APBB1IP: variants seen among roughly 807,000 people sequenced by gnomAD.
APBB1IP encodes amyloid beta precursor protein binding family B member 1 interacting protein.
APBB1IP carries 27 observed loss-of-function variants against 64.9 expected under a neutral mutation model. The observed-to-expected ratio is 0.42, with a 90% CI of 0.31 to 0.57. APBB1IP has a LOEUF of 0.57. APBB1IP is among the 20% of genes least tolerant of loss of function. APBB1IP has a pLI of 0.20. For missense variants in APBB1IP, 812 were observed against 845.5 expected (o/e 0.96, Z 0.49); for synonymous variants, 392 against 331.0 (o/e 1.18, Z -2.00).
At chr10:26,485,353 C>T (rs541390413) in intron 2 of APBB1IP, among the ~76,000 whole-genome samples, 1 of 152,286 alleles carries the variant, frequency 6.6e-6, no homozygotes, top group East Asian at 1.9e-4. Context: ...CCATGTAGAA[C>T]ATGTAGCCAG....
intron 2 of APBB1IP, among the ~76,000 whole-genome samples, chr10:26,465,556 C>T (rs1251724938): frequency 6.6e-6 from 1 of 151,980 alleles, no homozygotes; most frequent in Non-Finnish European, 1.5e-5. Context: ...AGATACAATG[C>T]TCAAATTCTC....
chr10:26,545,976 A>G (rs1255850629), intron 11 of APBB1IP, among the ~76,000 whole-genome samples: 1 of 152,076 alleles, frequency 6.6e-6, no homozygotes, highest in Non-Finnish European at 1.5e-5. Flanking sequence ...AGATTGCATG[A>G]TTTCATGGCC....
intron 2 of APBB1IP, among the ~76,000 whole-genome samples, chr10:26,455,513 A>AG (rs1389832568): frequency 1.6e-5 from 2 of 124,696 alleles, no homozygotes; most frequent in East Asian, 4.8e-4. Context: ...GGGTGACAGA[A>AG]CAAAAAAAAA....
At chr10:26,460,908 C>G (rs1035063901) in intron 2 of APBB1IP, among the ~76,000 whole-genome samples, 3 of 152,134 alleles carry the variant, frequency 2.0e-5, no homozygotes, top group Admixed American at 6.5e-5. Context: ...GACAAAACTG[C>G]CCCCAGAAGA....
chr10:26,501,167 A>C, intron 5 of APBB1IP, 56 bp downstream of exon 5: 1 of 1,602,238 alleles, frequency 6.2e-7, no homozygotes, highest in Non-Finnish European at 8.6e-7. Flanking sequence ...CCTATCACTG[A>C]TGTTCCTTGA....
intron 2 of APBB1IP, among the ~76,000 whole-genome samples, chr10:26,479,019 T>G: frequency 2.8e-5 from 1 of 35,356 alleles, no homozygotes; most frequent in African/African-American, 3.5e-4. Context: ...TTTTAAAAAT[T>G]GACATATATT....
At chr10:26,486,524 C>T (rs974517081) in intron 2 of APBB1IP, among the ~76,000 whole-genome samples, 4 of 152,024 alleles carry the variant, frequency 2.6e-5, no homozygotes, top group Non-Finnish European at 5.9e-5. Context: ...AGTAGTGAGT[C>T]GGAGCTACTT....
chr10:26,461,417 A>G (rs1216503792), intron 2 of APBB1IP, among the ~76,000 whole-genome samples: 3 of 152,148 alleles, frequency 2.0e-5, no homozygotes, highest in Admixed American at 6.6e-5. Flanking sequence ...TTTTTCATAC[A>G]TCAAATTTAA....
intron 11 of APBB1IP, among the ~76,000 whole-genome samples, chr10:26,552,782 C>T (rs960675318): frequency 4.6e-5 from 7 of 152,198 alleles, no homozygotes; most frequent in African/African-American, 1.4e-4. Flanking sequence ...CTATCTCCAA[C>T]GTGGCCTCTG....
chr10:26,543,228 A>G (rs1260825677), intron 11 of APBB1IP, among the ~76,000 whole-genome samples: 3 of 152,000 alleles, frequency 2.0e-5, no homozygotes, highest in African/African-American at 7.3e-5. Context: ...ACACTGTGGG[A>G]GGCTGAGGCA....
chr10:26,567,092 C>T lies in APBB1IP; in HGVS notation c.1605C>T (p.Pro535=), dbSNP rs758247049. ...SSDTSGSPAT[P]LKAKGTGGGG... ...ACACCAGCGGCAGTCCCGCCACGCC[C>T]CTCAAGGCCAAGGGCACAGGCGGCG... The change falls in exon 15 of 15, where the codon CCC becomes CCT. Residue 535 remains proline (P), a synonymous_variant. Coordinates refer to ENST00000376236, the MANE Select transcript of APBB1IP (RefSeq NM_019043.4). 1 of 1,466,250 alleles carries T rather than the reference C, an allele frequency of 6.8e-7. No individual in the cohort carries two copies. The highest frequency in any genetic ancestry group is 8.9e-7 in the Non-Finnish European group (1 of 1,123,532). The allele number at this position is 1,466,250 out of a possible 1,614,324, so 90.8% of individuals were successfully genotyped here.
chr10:26,562,898 A>C (rs184563726), intron 14 of APBB1IP, among the ~76,000 whole-genome samples: 1 of 152,352 alleles, frequency 6.6e-6, no homozygotes, highest in African/African-American at 2.4e-5. Context: ...TTGTAATCTT[A>C]AAGTTACATA....
intron 8 of APBB1IP, among the ~76,000 whole-genome samples, chr10:26,518,021 C>G (rs1256664381): frequency 6.6e-6 from 1 of 152,166 alleles, no homozygotes; most frequent in Non-Finnish European, 1.5e-5. Context: ...GTGGTGCAAT[C>G]TAGGCTCACT....
intron 8 of APBB1IP, among the ~76,000 whole-genome samples, chr10:26,524,955 CTTTTT>C (rs56982662): frequency 1.4e-5 from 1 of 73,972 alleles, no homozygotes; most frequent in African/African-American, 4.6e-5. Context: ...TTCTTTCTTT[CTTTTT>C]TTTTTTTTTT....
intron 11 of APBB1IP, among the ~76,000 whole-genome samples, chr10:26,546,277 T>C (rs1836764878): frequency 1.3e-5 from 2 of 152,254 alleles, no homozygotes; most frequent in Non-Finnish European, 2.9e-5. Flanking sequence ...AATAAATCTA[T>C]TTATTAACCA....
chr10:26,486,514 A>T (rs1469787468), intron 2 of APBB1IP, among the ~76,000 whole-genome samples: 1 of 152,104 alleles, frequency 6.6e-6, no homozygotes, highest in Non-Finnish European at 1.5e-5. Flanking sequence ...CATGAAGGGG[A>T]GTAGTGAGTC....
intron 6 of APBB1IP, among the ~76,000 whole-genome samples, chr10:26,506,258 G>GA (rs1378331910): frequency 7.2e-6 from 1 of 139,288 alleles, no homozygotes; most frequent in Admixed American, 7.1e-5. Flanking sequence ...TGTGGGGGGG[G>GA]GGGGTGGGGG....
chr10:26,472,774 T>C (rs1172762909), intron 2 of APBB1IP, among the ~76,000 whole-genome samples: 1 of 151,932 alleles, frequency 6.6e-6, no homozygotes, highest in Non-Finnish European at 1.5e-5. Context: ...CCGTCTCTAC[T>C]AAAAATACAA....
intron 6 of APBB1IP, among the ~76,000 whole-genome samples, chr10:26,504,490 A>G (rs992116784): frequency 1.3e-5 from 2 of 152,130 alleles, no homozygotes; most frequent in East Asian, 3.9e-4. Context: ...CGGGCGGATC[A>G]CCTGAGGTCA....
Sources: gnomAD v4.1 joint callset for allele counts (sites outside exome capture counted in the v4.1 genomes callset) on GRCh38, gnomAD v4.1.1 for gene constraint, MANE v1.5 for transcripts, NCBI Gene and HGNC (gene_info 2026-07-23, HGNC 2026-07-21) for gene names.